The following NRG1 variants were observed in gnomAD, a reference collection of about 807,000 sequenced individuals.
The protein encoded by NRG1 is neuregulin 1.
Under a neutral mutation model 63.8 loss-of-function variants are expected in NRG1, and 18 were observed. The observed-to-expected ratio is 0.28, with a 90% CI of 0.19 to 0.42. The LOEUF is 0.42. Among genes scored for constraint, NRG1 ranks in the 10% least tolerant of loss-of-function variants. The pLI, the probability that NRG1 is intolerant of heterozygous loss-of-function variation, is 1.00. For missense variants in NRG1, 762 were observed against 814.7 expected (o/e 0.94, Z 0.79); for synonymous variants, 302 against 301.3 (o/e 1.00, Z -0.02).
intron 1 of NRG1, among the ~76,000 whole-genome samples, chr8:32,258,571 C>T (rs1209620380): frequency 6.6e-6 from 1 of 152,066 alleles, no homozygotes; most frequent in East Asian, 1.9e-4. Context: ...AGGAAACGTA[C>T]AGTTATGTGG....
chr8:31,819,206 C>CTCCAGCCTGGATGACAGAGCA (rs1554542288), intron 1 of NRG1, among the ~76,000 whole-genome samples: 1 of 151,808 alleles, frequency 6.6e-6, no homozygotes, highest in Non-Finnish European at 1.5e-5. Flanking sequence ...GCTACTTACA[C>CTCCAGCCTGGATGACAGAGCA]TCCAGCCTGG....
intron 1 of NRG1, among the ~76,000 whole-genome samples, chr8:32,186,370 A>G (rs570304964): frequency 7.3e-5 from 11 of 151,356 alleles, no homozygotes; most frequent in Non-Finnish European, 1.5e-4. Flanking sequence ...CTGAGGCAGG[A>G]GAATGGCGTT....
At chr8:31,707,714 G>C (rs961162256) in intron 1 of NRG1, among the ~76,000 whole-genome samples, 11 of 151,322 alleles carry the variant, frequency 7.3e-5, no homozygotes, top group African/African-American at 2.7e-4. Context: ...TTTATCTCTT[G>C]GTATTCTATC....
At chr8:32,315,028 TA>T (rs1857226993) in intron 1 of NRG1, among the ~76,000 whole-genome samples, 2 of 152,074 alleles carry the variant, frequency 1.3e-5, no homozygotes, top group South Asian at 4.1e-4. Context: ...GACCCTCATC[TA>T]AGCTTTCACA....
chr8:31,797,997 T>C (rs909423834), intron 1 of NRG1, among the ~76,000 whole-genome samples: 9 of 151,802 alleles, frequency 5.9e-5, no homozygotes, highest in Admixed American at 2.0e-4. Context: ...CTCATAGTAG[T>C]AGAGAGTAGA....
intron 1 of NRG1, among the ~76,000 whole-genome samples, chr8:31,910,730 G>A (rs530209259): frequency 2.6e-5 from 4 of 152,090 alleles, no homozygotes; most frequent in Non-Finnish European, 5.9e-5. Context: ...TAAGAATAGG[G>A]GATAGGATCA....
At chr8:32,179,307 G>A (rs1168611302) in intron 1 of NRG1, among the ~76,000 whole-genome samples, 2 of 151,174 alleles carry the variant, frequency 1.3e-5, no homozygotes, top group Admixed American at 6.6e-5. Context: ...AAGAAAAGAC[G>A]CTTCACCTCC....
chr8:31,689,432 T>C (rs1355881937), intron 1 of NRG1, among the ~76,000 whole-genome samples: 1 of 152,162 alleles, frequency 6.6e-6, no homozygotes, highest in South Asian at 2.1e-4. Context: ...TTAATTTCTA[T>C]AGTATTTATA....
At chr8:32,653,923 A>C (rs1855698956) in intron 5 of NRG1, among the ~76,000 whole-genome samples, 1 of 152,038 alleles carries the variant, frequency 6.6e-6, no homozygotes, top group South Asian at 2.1e-4. Context: ...AGCTGATTGT[A>C]ATCTTTACTG....
chr8:32,489,945 T>C (rs1220754486), intron 1 of NRG1, among the ~76,000 whole-genome samples: 2 of 152,316 alleles, frequency 1.3e-5, no homozygotes, highest in East Asian at 3.9e-4. Flanking sequence ...TATGTCCCTG[T>C]GGGGAATGGT....
chr8:32,083,360 C>G (rs1409411813), intron 1 of NRG1, among the ~76,000 whole-genome samples: 1 of 152,096 alleles, frequency 6.6e-6, no homozygotes, highest in Non-Finnish European at 1.5e-5. Flanking sequence ...AACTCTACTT[C>G]GGTTACAAAT....
At chr8:31,741,233 G>A (rs1815238185) in intron 1 of NRG1, among the ~76,000 whole-genome samples, 1 of 151,902 alleles carries the variant, frequency 6.6e-6, no homozygotes, top group Admixed American at 6.6e-5. Flanking sequence ...GGAGGGAACA[G>A]GGGGAGGGTT....
chr8:31,639,811 T>C (rs1365648502), intron 1 of NRG1: 1 of 1,204,858 alleles, frequency 8.3e-7, no homozygotes, highest in Non-Finnish European at 1.0e-6. Context: ...TTCTTCCCCC[T>C]CCTCCTCCCA....
intron 1 of NRG1, among the ~76,000 whole-genome samples, chr8:32,527,469 A>G (rs1482693050): frequency 1.3e-5 from 2 of 149,518 alleles, no homozygotes; most frequent in South Asian, 2.2e-4. Flanking sequence ...TATGTGTACC[A>G]TGGATATAGA....
At chr8:32,012,486 G>C (rs536308809) in intron 1 of NRG1, among the ~76,000 whole-genome samples, 1 of 152,210 alleles carries the variant, frequency 6.6e-6, no homozygotes, top group African/African-American at 2.4e-5. Flanking sequence ...ATGTGGAATT[G>C]CTTTACAAGA....
chr8:31,957,440 G>T (rs527966243), intron 1 of NRG1, among the ~76,000 whole-genome samples: 130 of 152,090 alleles, frequency 8.5e-4, no homozygotes, highest in Non-Finnish European at 1.1e-3. Context: ...TGCCTATTTA[G>T]TCTGTAATGA....
chr8:32,657,743 G>C (rs1407885788), intron 5 of NRG1, among the ~76,000 whole-genome samples: 1 of 152,120 alleles, frequency 6.6e-6, no homozygotes, highest in Non-Finnish European at 1.5e-5. Flanking sequence ...TTGCTCTTCT[G>C]GGAGCAAAAG....
At chr8:31,993,961 C>A (rs909615662) in intron 1 of NRG1, among the ~76,000 whole-genome samples, 1 of 151,932 alleles carries the variant, frequency 6.6e-6, no homozygotes, top group Non-Finnish European at 1.5e-5. Context: ...AGAGTTCACA[C>A]CAAACATAGA....
intron 1 of NRG1, among the ~76,000 whole-genome samples, chr8:32,493,654 T>C (rs16879480): frequency 0.013 from 1,923 of 152,282 alleles, 44 homozygotes; most frequent in African/African-American, 0.043. Context: ...TTAAAGGAGA[T>C]TGTTATTAAA....
Sources: allele counts gnomAD v4.1 joint callset (sites outside exome capture counted in the v4.1 genomes callset), GRCh38; gene constraint gnomAD v4.1.1; transcripts MANE v1.5; gene names NCBI Gene and HGNC (gene_info 2026-07-23, HGNC 2026-07-21).